GLI2: variants seen among roughly 807,000 people sequenced by gnomAD.
GLI2 encodes GLI family zinc finger 2.
A neutral mutation model predicts 78.9 loss-of-function variants in GLI2; 22 were observed. The observed-to-expected ratio is 0.28, with a 90% CI of 0.20 to 0.40. The LOEUF is 0.40. Ranked by LOEUF, GLI2 falls within the 10% of genes least tolerant of loss-of-function variation. The probability of loss-of-function intolerance (pLI) is 1.00; values close to 1 mark genes in which losing one functional copy is unlikely to be tolerated. For missense variants in GLI2, 2,097 were observed against 2,213.2 expected (o/e 0.95, Z 1.05); for synonymous variants, 974 against 963.7 (o/e 1.01, Z -0.20).
intron 2 of GLI2, among the ~76,000 whole-genome samples, chr2:120,915,641 C>A (rs1363282302): frequency 6.6e-6 from 1 of 152,126 alleles, no homozygotes; most frequent in Non-Finnish European, 1.5e-5. Flanking sequence ...TCCTCATTTG[C>A]GAACGAACAC....
In GLI2 at chr2:120,776,385, G is replaced by C. The variant is rs559681145; in HGVS notation, c.-30-20906G>C. 2.0e-5 allele frequency among the ~76,000 whole-genome samples: 3 copies of C among 152,314 alleles called. No homozygotes were observed. In the South Asian group the frequency reaches 6.2e-4, roughly 32 times the overall value. On this transcript the variant is annotated intron_variant, in intron 1 of 13. Transcript: ENST00000361492. ...TGGGCTCTGGGATGCTTGGTTGTGA[G>C]TGAGGTCCAGGGTGTGCTGAGTCTA...
rs180977064 is a variant in GLI2 at position 120,921,280 on chromosome 2, G to A, written c.149-6081G>A. ...CATGTGTGTTGGTGGGGGGTGTTGG[G>A]GTGCTGTCCTATTATACCTGGGCTC... is the stretch of plus-strand genomic sequence containing the variant. On this transcript the variant is annotated intron_variant, in intron 2 of 13. Coordinates refer to ENST00000361492, the MANE Select transcript of GLI2 (RefSeq NM_001374353.1). Among the ~76,000 whole-genome samples, 57 of 152,190 alleles carry A rather than the reference G, an allele frequency of 3.7e-4. 1 individual carries two copies. Among genetic ancestry groups the A allele is most frequent in the African/African-American group, 1.3e-3 (54 of 41,502 alleles).
At position 120,984,595 on chromosome 2, in the gene GLI2, T is replaced by G. The variant is rs1413894701; in HGVS notation, c.1757T>G (p.Val586Gly). ...AHVTKKQRND[V>G]HLRTPLLKEN... Reference sequence around the variant, plus strand: ...GTCACCAAGAAGCAGCGCAATGACGTGCACCTCCGCACACCGCTGCTCAAA... The same window carrying G: ...GTCACCAAGAAGCAGCGCAATGACGGGCACCTCCGCACACCGCTGCTCAAA... The change falls in exon 12 of 14, where the codon GTG (valine) becomes GGG (glycine). Residue 586 changes from valine to glycine, a missense_variant. Transcript: ENST00000361492. 1.2e-6 allele frequency: 2 copies of G among 1,614,004 alleles called. No homozygotes were observed. Among genetic ancestry groups the G allele is most frequent in the Non-Finnish European group, 8.5e-7 (1 of 1,180,034 alleles).
chr2:120,829,750 G>A (rs1422408366), intron 2 of GLI2, among the ~76,000 whole-genome samples: 1 of 152,206 alleles, frequency 6.6e-6, no homozygotes, highest in African/African-American at 2.4e-5. Flanking sequence ...GGCTGCAGGA[G>A]GGCCTATGTG....
intron 2 of GLI2, among the ~76,000 whole-genome samples, chr2:120,893,181 A>C (rs1337661644): frequency 2.0e-5 from 3 of 152,260 alleles, no homozygotes; most frequent in African/African-American, 7.2e-5. Context: ...GGCCAGGAAT[A>C]GCTGGGGCTT....
intron 2 of GLI2, among the ~76,000 whole-genome samples, chr2:120,872,924 T>C (rs1030980485): frequency 5.3e-5 from 8 of 152,156 alleles, no homozygotes; most frequent in African/African-American, 1.7e-4. Context: ...TTGATGGCAA[T>C]AGTAATAAAT....
At chr2:120,860,189 A>T (rs1687841482) in intron 2 of GLI2, among the ~76,000 whole-genome samples, 1 of 152,114 alleles carries the variant, frequency 6.6e-6, no homozygotes, top group Non-Finnish European at 1.5e-5. Context: ...AAGCAGAGGT[A>T]ATGGACCAGG....
chr2:120,773,599 G>A (rs780461534), intron 1 of GLI2, among the ~76,000 whole-genome samples: 40 of 152,316 alleles, frequency 2.6e-4, no homozygotes, highest in African/African-American at 6.0e-4. Context: ...GGCCCTGCGC[G>A]TCTGTTGCGT....
intron 3 of GLI2, among the ~76,000 whole-genome samples, chr2:120,937,090 C>T (rs1459587112): frequency 6.6e-6 from 1 of 152,174 alleles, no homozygotes; most frequent in Non-Finnish European, 1.5e-5. Flanking sequence ...TTGGCCTGTG[C>T]TGCCCAAACA....
rs190185471 is a variant in GLI2, at chr2:120,768,374, T to C, written c.-30-28917T>C. ...GAGCTCTGCTTGCAGGGACTTTCCA[T>C]GGGAAGGTGGGCTACTGTGGGTGGG... is the stretch of plus-strand genomic sequence containing the variant. On this transcript the variant is annotated intron_variant, in intron 1 of 13. Coordinates refer to ENST00000361492, the MANE Select transcript of GLI2 (RefSeq NM_001374353.1). Among the ~76,000 whole-genome samples the C allele has an allele frequency of 2.0e-5, 3 of 152,284 alleles. No individual in the cohort carries two copies. In the East Asian group the frequency reaches 5.8e-4, roughly 29 times the overall value.
Position 120,797,331 on chromosome 2 carries a change from C to G in GLI2, c.11C>G (p.Ser4Cys), listed in dbSNP as rs1442637375. Residue 4 changes from serine (S) to cysteine (C), a missense_variant, in exon 2 of 14, where the codon TCT becomes TGT. Coordinates refer to ENST00000361492, the MANE Select transcript of GLI2 (RefSeq NM_001374353.1). MET[S>C]ASATASEKQE... ...CGATGAGCGGCTGAGATGGAGACGT[C>G]TGCCTCAGCCACTGCCTCCGAGAAG... 6.2e-7 allele frequency: 1 copy of G among 1,614,074 alleles called. No individual in the cohort carries two copies. Among genetic ancestry groups the G allele is most frequent in the Non-Finnish European group, 8.5e-7 (1 of 1,180,000 alleles).
chr2:120,830,587 G>A (rs966230101), intron 2 of GLI2, among the ~76,000 whole-genome samples: 1 of 152,246 alleles, frequency 6.6e-6, no homozygotes, highest in Non-Finnish European at 1.5e-5. Context: ...AGCCTCTTGG[G>A]CTGCCTGAGC....
chr2:120,894,372 G>T (rs1400861955), intron 2 of GLI2, among the ~76,000 whole-genome samples: 1 of 152,240 alleles, frequency 6.6e-6, no homozygotes, highest in African/African-American at 2.4e-5. Context: ...GACCGGCGTG[G>T]CTCCGCTGAC....
chr2:120,953,208 A>G (rs1681079673), intron 4 of GLI2, among the ~76,000 whole-genome samples: 1 of 152,220 alleles, frequency 6.6e-6, no homozygotes, highest in Admixed American at 6.5e-5. Context: ...TGTCCTTACA[A>G]GAGACACACT....
chr2:120,879,083 G>A (rs1050203611), intron 2 of GLI2, among the ~76,000 whole-genome samples: 7 of 152,244 alleles, frequency 4.6e-5, no homozygotes, highest in South Asian at 2.1e-4. Context: ...TTGGAATGGC[G>A]CTGGCTGCTG....
chr2:120,942,865 CATTCA>C (rs1680521866), intron 3 of GLI2, among the ~76,000 whole-genome samples: 1 of 11,592 alleles, frequency 8.6e-5, no homozygotes, highest in African/African-American at 9.1e-5. Flanking sequence ...CGCCCTCTTT[CATTCA>C]TTCATTCATT....
intron 2 of GLI2, among the ~76,000 whole-genome samples, chr2:120,872,353 C>T (rs79395162): frequency 0.015 from 2,360 of 152,284 alleles, 61 homozygotes; most frequent in African/African-American, 0.051. Flanking sequence ...CAGTGGGGTC[C>T]CCTGGAATGG....
At chr2:120,941,236 A>G (rs1175862671) in intron 3 of GLI2, among the ~76,000 whole-genome samples, 1 of 152,220 alleles carries the variant, frequency 6.6e-6, no homozygotes, top group Non-Finnish European at 1.5e-5. Flanking sequence ...TTGTTTTCCA[A>G]AAGAATTTGC....
chr2:120,798,931 T>G (rs907438182), intron 2 of GLI2, among the ~76,000 whole-genome samples: 9 of 152,210 alleles, frequency 5.9e-5, no homozygotes, highest in African/African-American at 1.9e-4. Context: ...ATGTCTGGCC[T>G]GCCCCAGGGT....
Sources: gnomAD v4.1 joint callset for allele counts (sites outside exome capture counted in the v4.1 genomes callset) on GRCh38, gnomAD v4.1.1 for gene constraint, MANE v1.5 for transcripts, NCBI Gene and HGNC (gene_info 2026-07-23, HGNC 2026-07-21) for gene names.